The following VPS13B variants were observed in gnomAD, a reference collection of about 807,000 sequenced individuals.
The protein encoded by VPS13B is intermembrane lipid transfer protein VPS13B.
A neutral mutation model predicts 426.4 loss-of-function variants in VPS13B; 285 were observed. The ratio of observed to expected loss-of-function variants is 0.67; its 90% CI spans 0.61 to 0.74. The LOEUF (loss-of-function observed/expected upper bound fraction) is 0.74, where lower values mean the gene tolerates loss of function less well. Among genes scored for constraint, VPS13B ranks in the 30% least tolerant of loss-of-function variants. The probability of loss-of-function intolerance (pLI) is 0.00; values close to 1 mark genes in which losing one functional copy is unlikely to be tolerated. For synonymous variants in VPS13B, 1,676 were observed against 1,676.4 expected (o/e 1.00, Z 0.01); for missense variants, 4,537 against 4,782.6 (o/e 0.95, Z 1.51).
intron 14 of VPS13B, among the ~76,000 whole-genome samples, chr8:99,153,034 C>G (rs1811160176): frequency 6.6e-6 from 1 of 151,968 alleles, no homozygotes; most frequent in African/African-American, 2.4e-5. Flanking sequence ...GCCAGGCATG[C>G]TGGTGTGTGC....
At chr8:99,674,149 C>T (rs1030076626) in intron 35 of VPS13B, among the ~76,000 whole-genome samples, 4 of 151,944 alleles carry the variant, frequency 2.6e-5, no homozygotes, top group African/African-American at 4.8e-5. Context: ...GTTTAATTTT[C>T]TGTCTGGATG....
intron 31 of VPS13B, among the ~76,000 whole-genome samples, chr8:99,568,693 A>G (rs944719556): frequency 8.5e-5 from 13 of 152,186 alleles, no homozygotes; most frequent in Admixed American, 1.3e-4. Flanking sequence ...TATGTAACAC[A>G]TAGTTTTCCA....
intron 3 of VPS13B, among the ~76,000 whole-genome samples, chr8:99,087,857 C>T (rs1016134624): frequency 6.6e-6 from 1 of 152,002 alleles, no homozygotes; most frequent in African/African-American, 2.4e-5. Context: ...AATTGTATGT[C>T]ATGCCTTTAC....
rs766842724 is a variant in VPS13B, at chr8:99,832,442, C to T, written c.9404C>T (p.Ser3135Phe). 4.4e-6 allele frequency: 7 copies of T among 1,603,976 alleles called. No homozygotes were observed. Among genetic ancestry groups the T allele is most frequent in the Non-Finnish European group, 5.9e-6 (7 of 1,176,628 alleles). Residue 3135 changes from serine (S) to phenylalanine (F), a missense_variant, in exon 52 of 62, where the codon TCC becomes TTC. Coordinates refer to ENST00000357162, the MANE Select transcript of VPS13B (RefSeq NM_152564.5). ...GAGCAGCCTGCTATGAAATCCAGCT[C>T]CCTTCCTTGCTGGGACTTGATGCCT... ...GGEQPAMKSS[S>F]LPCWDLMPDI...
intron 34 of VPS13B, among the ~76,000 whole-genome samples, chr8:99,658,210 T>A (rs191697846): frequency 1.3e-5 from 2 of 152,182 alleles, no homozygotes; most frequent in African/African-American, 2.4e-5. Context: ...TTTTACCATA[T>A]GTGTTTAAAA....
At chr8:99,824,189 C>T (rs957309801) in intron 51 of VPS13B, among the ~76,000 whole-genome samples, 6 of 152,196 alleles carry the variant, frequency 3.9e-5, no homozygotes, top group Non-Finnish European at 7.3e-5. Flanking sequence ...GAAGGAGGCC[C>T]TGACACACTG....
Position 99,121,465 on chromosome 8 carries a change from G to A in VPS13B, c.1206+20G>A, listed in dbSNP as rs2132516774. On this transcript the variant is annotated intron_variant, in intron 8 of 61. Transcript: ENST00000357162. Reference sequence around the variant, plus strand: ...TTCAAAGTAGGTCTTTTCTCTTGCTGTTTATATCTCTATCAACTTTAATGC... The same window carrying A: ...TTCAAAGTAGGTCTTTTCTCTTGCTATTTATATCTCTATCAACTTTAATGC... The A allele has an allele frequency of 1.2e-6, 2 of 1,611,232 alleles. No homozygotes were observed. The highest frequency in any genetic ancestry group is 1.7e-6 in the Non-Finnish European group (2 of 1,179,216).
At chr8:99,549,493 C>T (rs1824162703) in intron 30 of VPS13B, among the ~76,000 whole-genome samples, 1 of 152,044 alleles carries the variant, frequency 6.6e-6, no homozygotes, top group African/African-American at 2.4e-5. Flanking sequence ...ACTTCTGTGC[C>T]AGGCTCTCTC....
chr8:99,381,679 T>A (rs1813818277), intron 19 of VPS13B, among the ~76,000 whole-genome samples: 1 of 152,220 alleles, frequency 6.6e-6, no homozygotes. Context: ...TTTTTTCATA[T>A]GCTTGTTGGC....
At chr8:99,738,261 A>AT (rs1301245773) in intron 39 of VPS13B, among the ~76,000 whole-genome samples, 1 of 152,198 alleles carries the variant, frequency 6.6e-6, no homozygotes. Context: ...TCTTACATAC[A>AT]TTTTTAACCC....
intron 40 of VPS13B, among the ~76,000 whole-genome samples, chr8:99,771,582 C>T (rs2130643388): frequency 6.6e-6 from 1 of 152,252 alleles, no homozygotes; most frequent in South Asian, 2.1e-4. Flanking sequence ...AGAAGAACTC[C>T]TTTTCATTTC....
intron 52 of VPS13B, among the ~76,000 whole-genome samples, chr8:99,832,988 C>G (rs182343895): frequency 6.6e-6 from 1 of 152,144 alleles, no homozygotes; most frequent in African/African-American, 2.4e-5. Flanking sequence ...AAAAAATTAC[C>G]TGTTATGAGT....
At chr8:99,143,621 A>G (rs1810549208) in intron 13 of VPS13B, among the ~76,000 whole-genome samples, 1 of 152,192 alleles carries the variant, frequency 6.6e-6, no homozygotes, top group African/African-American at 2.4e-5. Context: ...ATAAAATACG[A>G]ATTCCTTTTT....
At chr8:99,573,393 G>T (rs992332523) in intron 31 of VPS13B, among the ~76,000 whole-genome samples, 1 of 152,122 alleles carries the variant, frequency 6.6e-6, no homozygotes, top group African/African-American at 2.4e-5. Flanking sequence ...GTCCTGAAAG[G>T]TATTGCCTAG....
At chr8:99,215,310 C>T (rs1049597073) in intron 17 of VPS13B, among the ~76,000 whole-genome samples, 2 of 152,116 alleles carry the variant, frequency 1.3e-5, no homozygotes, top group African/African-American at 4.8e-5. Context: ...AAGTAAATCA[C>T]TTACAATTAG....
intron 33 of VPS13B, among the ~76,000 whole-genome samples, chr8:99,638,732 T>A (rs897910330): frequency 6.6e-6 from 1 of 152,128 alleles, no homozygotes; most frequent in Non-Finnish European, 1.5e-5. Flanking sequence ...AGTATGCAGA[T>A]CAGGAAAGAC....
Position 99,818,746 on chromosome 8 carries a change from C to T in VPS13B, c.8479C>T (p.His2827Tyr). 6.2e-7 allele frequency: 1 copy of T among 1,613,958 alleles called. No homozygotes were observed. The highest frequency in any genetic ancestry group is 8.5e-7 in the Non-Finnish European group (1 of 1,179,930). ...CAGCCCTCTTTTTATCATGAGGAGT[C>T]ATCTTCCAGACCCCATTATCATACA... ...VFSPLFIMRS[H>Y]LPDPIIIHLE... The change falls in exon 47 of 62, where the codon CAT becomes TAT. Residue 2827 changes from histidine (H) to tyrosine (Y), a missense_variant. Coordinates refer to ENST00000357162, the MANE Select transcript of VPS13B (RefSeq NM_152564.5).
chr8:99,170,265 A>G, intron 16 of VPS13B, 102 bp downstream of exon 16: 1 of 1,397,542 alleles, frequency 7.2e-7, no homozygotes. Context: ...AGTTTTATAC[A>G]AAACTTTAGA....
At chr8:99,815,401 T>A (rs1291992254) in intron 44 of VPS13B, among the ~76,000 whole-genome samples, 1 of 152,094 alleles carries the variant, frequency 6.6e-6, no homozygotes, top group Non-Finnish European at 1.5e-5. Context: ...GCTCAAGCAG[T>A]CAGGCAAAAT....
Sources: gnomAD v4.1 joint callset for allele counts (sites outside exome capture counted in the v4.1 genomes callset) on GRCh38, gnomAD v4.1.1 for gene constraint, MANE v1.5 for transcripts, NCBI Gene and HGNC (gene_info 2026-07-23, HGNC 2026-07-21) for gene names.